CRYBA1: variants seen among roughly 807,000 people sequenced by gnomAD.
The protein encoded by CRYBA1 is beta-crystallin A3.
In CRYBA1, 25 loss-of-function variants were observed where a neutral mutation model predicts 36.2. The ratio of observed to expected loss-of-function variants is 0.69; its 90% CI spans 0.50 to 0.97. CRYBA1 has a LOEUF of 0.97. Ranked by LOEUF, CRYBA1 falls within the 50% of genes least tolerant of loss-of-function variation. CRYBA1 has a pLI of 0.00. For missense variants in CRYBA1, 224 were observed against 276.3 expected (o/e 0.81, Z 1.34); for synonymous variants, 111 against 90.0 (o/e 1.23, Z -1.32).
chr17:29,251,972 C>G, intron 3 of CRYBA1, 92 bp from the exon 4 acceptor site: 1 of 1,530,446 alleles, frequency 6.5e-7, no homozygotes. Context: ...ATATTTTACC[C>G]CACTATTGAC....
chr17:29,254,130 A>T, intron 5 of CRYBA1, 72 bp from the exon 6 acceptor site: 1 of 1,523,498 alleles, frequency 6.6e-7, no homozygotes, highest in Non-Finnish European at 9.1e-7. Context: ...TTGAGTAAAG[A>T]GGCTCAGGTT....
At position 29,253,742 on chromosome 17, in the gene CRYBA1, T is replaced by C. The variant is rs548195561; in HGVS notation, c.460T>C (p.Phe154Leu). Reference protein sequence around the residue: ...DYPSLQAMGWFNNEVGSMKIQ... With the variant: ...DYPSLQAMGWLNNEVGSMKIQ... ...CCCCTCCTTGCAAGCCATGGGCTGG[T>C]TCAACAACGAAGTCGGCTCCATGAA... Residue 154 changes from phenylalanine (F) to leucine (L), a missense_variant, in exon 5 of 6, where the codon TTC becomes CTC. Physicochemically the swap from Phe to Leu is conservative, Grantham distance 22. Coordinates refer to ENST00000225387, the MANE Select transcript of CRYBA1 (RefSeq NM_005208.5). 9 of 1,614,176 alleles carry C rather than the reference T, an allele frequency of 5.6e-6. No individual in the cohort carries two copies. The South Asian group carries it at 9.9e-5, about 18-fold the overall frequency.
At chr17:29,248,027 A>T (rs970812469) in intron 1 of CRYBA1, among the ~76,000 whole-genome samples, 19 of 152,068 alleles carry the variant, frequency 1.2e-4, no homozygotes, top group African/African-American at 4.3e-4. Flanking sequence ...GAGACAGGAG[A>T]ATCGCTTGAA....
chr17:29,246,971 C>A, intron 1 of CRYBA1, 77 bp downstream of exon 1: 1 of 1,484,342 alleles, frequency 6.7e-7, no homozygotes, highest in Non-Finnish European at 9.2e-7. Flanking sequence ...GGGCCCAGTT[C>A]TCCTGCCTAG....
At chr17:29,247,781 G>A (rs2068909470) in intron 1 of CRYBA1, among the ~76,000 whole-genome samples, 1 of 152,222 alleles carries the variant, frequency 6.6e-6, no homozygotes, top group Admixed American at 6.5e-5. Flanking sequence ...AAGCCTCTGA[G>A]AAGGCAAGGT....
intron 4 of CRYBA1, among the ~76,000 whole-genome samples, chr17:29,252,506 A>G (rs2068942049): frequency 6.6e-6 from 1 of 152,118 alleles, no homozygotes; most frequent in Non-Finnish European, 1.5e-5. Context: ...CTGCAGCAAA[A>G]AGTAAATCCT....
chr17:29,248,936 C>G (rs964699646), intron 1 of CRYBA1, among the ~76,000 whole-genome samples: 1 of 152,028 alleles, frequency 6.6e-6, no homozygotes, highest in Admixed American at 6.6e-5. Flanking sequence ...CCACTGCACT[C>G]CAGCCTGGAT....
At chr17:29,247,830 G>A (rs1377060343) in intron 1 of CRYBA1, among the ~76,000 whole-genome samples, 2 of 152,196 alleles carry the variant, frequency 1.3e-5, no homozygotes, top group Admixed American at 6.5e-5. Context: ...AAAGCAGAAA[G>A]GAATGGCCAG....
intron 1 of CRYBA1, among the ~76,000 whole-genome samples, chr17:29,247,752 TG>T (rs1041291059): frequency 6.6e-6 from 1 of 152,178 alleles, no homozygotes; most frequent in Admixed American, 6.5e-5. Context: ...CAAGTGGCTG[TG>T]GGCTGGAGAA....
At chr17:29,253,277 A>G (rs2068947021) in intron 4 of CRYBA1, among the ~76,000 whole-genome samples, 1 of 152,230 alleles carries the variant, frequency 6.6e-6, no homozygotes, top group Non-Finnish European at 1.5e-5. Flanking sequence ...ACACATACAC[A>G]CGCAAGCGCA....
chr17:29,254,349 G>A lies in CRYBA1; in HGVS notation c.648G>A (p.Ter216=). Residue 216 remains the stop codon, a stop_retained_variant, in exon 6 of 6, where the codon TAG becomes TAA. Transcript: ENST00000225387. ...QIQSIRRIQQ[*] ...AATCGATTCGCCGAATCCAACAGTA[G>A]CTGATTAAAAGCTCCAAGTACGATA... is the stretch of plus-strand genomic sequence containing the variant. 1 of 1,614,036 alleles carries A rather than the reference G, an allele frequency of 6.2e-7. No individual in the cohort carries two copies. The highest frequency in any genetic ancestry group is 2.2e-5 in the East Asian group (1 of 44,872).
At chr17:29,253,919 C>A in intron 5 of CRYBA1, 137 bp downstream of exon 5, 1 of 1,227,534 alleles carries the variant, frequency 8.1e-7, no homozygotes. Flanking sequence ...ATCTCAATTT[C>A]TTTATACCAA....
At chr17:29,248,826 G>A (rs1334544257) in intron 1 of CRYBA1, among the ~76,000 whole-genome samples, 3 of 151,948 alleles carry the variant, frequency 2.0e-5, no homozygotes, top group African/African-American at 2.4e-5. Context: ...AAACTAGCTG[G>A]ACATAGTGGT....
chr17:29,252,010 C>A (rs1370602368), intron 3 of CRYBA1, 54 bp from the exon 4 acceptor site: 1 of 1,612,762 alleles, frequency 6.2e-7, no homozygotes, highest in African/African-American at 1.3e-5. Flanking sequence ...TGCCTTCTCC[C>A]CAAGGCCATA....
At position 29,249,199 on chromosome 17, in the gene CRYBA1, C is replaced by T. The variant is rs144800101; in HGVS notation, c.89C>T (p.Pro30Leu). Residue 30 changes from proline (P) to leucine (L), a missense_variant, in exon 2 of 6, where the codon CCA (proline) becomes CTA (leucine). By Grantham distance (98) the Pro-to-Leu change is moderately conservative. Coordinates refer to ENST00000225387, the MANE Select transcript of CRYBA1 (RefSeq NM_005208.5). The part of the protein sequence containing the change: ...QTNPTPGSLG[P>L]WKITIYDQEN... ...AACCCTACGCCGGGGTCCCTGGGGC[C>T]ATGGAAGGTAAGCCCACCCCCATCA... The T allele has an allele frequency of 3.9e-4, 626 of 1,610,626 alleles. 2 individuals carry two copies. The African/African-American group carries it at 8.0e-3, about 21-fold the overall frequency.
intron 3 of CRYBA1, among the ~76,000 whole-genome samples, chr17:29,251,402 T>C (rs1485290770): frequency 6.6e-6 from 1 of 152,170 alleles, no homozygotes; most frequent in African/African-American, 2.4e-5. Flanking sequence ...CTGAGCTGCA[T>C]GCAGCCCTTG....
At position 29,253,693 on chromosome 17, in the gene CRYBA1, C is replaced by G; in HGVS notation, c.411C>G (p.Arg137=). ...TTGAGAAGGAAAACTTTATTGGACG[C>G]CAGTGGGAGATCTCTGACGACTACC... ...TIFEKENFIG[R]QWEISDDYPS... is the part of the protein sequence containing the mutation. Residue 137 remains arginine, a synonymous_variant, in exon 5 of 6, where the codon CGC becomes CGG. Coordinates refer to ENST00000225387, the MANE Select transcript of CRYBA1 (RefSeq NM_005208.5). 6.2e-7 allele frequency: 1 copy of G among 1,613,808 alleles called. No homozygotes were observed. The highest frequency in any genetic ancestry group is 8.5e-7 in the Non-Finnish European group (1 of 1,179,720).
chr17:29,253,109 G>T (rs2153009675), intron 4 of CRYBA1, among the ~76,000 whole-genome samples: 1 of 152,224 alleles, frequency 6.6e-6, no homozygotes, highest in South Asian at 2.1e-4. Flanking sequence ...TTCCATCATA[G>T]TTCCCTGGTG....
chr17:29,248,282 G>A (rs888252710), intron 1 of CRYBA1, among the ~76,000 whole-genome samples: 2 of 152,000 alleles, frequency 1.3e-5, no homozygotes, highest in Non-Finnish European at 2.9e-5. Flanking sequence ...ATTGCAGACA[G>A]AGGTAATGCT....
Sources: gnomAD v4.1 joint callset for allele counts (sites outside exome capture counted in the v4.1 genomes callset) on GRCh38, gnomAD v4.1.1 for gene constraint, MANE v1.5 for transcripts, NCBI Gene and HGNC (gene_info 2026-07-23, HGNC 2026-07-21) for gene names.